Variants in MME observed in about 807,000 individuals in gnomAD.
MME encodes neprilysin.
MME carries 98 observed loss-of-function variants against 113.2 expected under a neutral mutation model. The observed-to-expected ratio is 0.87, with a 90% CI of 0.74 to 1.02. The LOEUF (loss-of-function observed/expected upper bound fraction) is 1.02. Among genes scored for constraint, MME ranks in the 50% least tolerant of loss-of-function variants. The pLI, the probability that MME is intolerant of heterozygous loss-of-function variation, is 0.00. For missense variants in MME, 836 were observed against 896.0 expected (o/e 0.93, Z 0.86); for synonymous variants, 292 against 300.6 (o/e 0.97, Z 0.30).
At chr3:155,053,921 T>C (rs532486227) in intron 1 of MME, among the ~76,000 whole-genome samples, 1 of 152,358 alleles carries the variant, frequency 6.6e-6, no homozygotes, top group Admixed American at 6.5e-5. Context: ...TGCCAATTTT[T>C]GCACTTGCTT....
At chr3:155,169,518 C>T (rs1290535116) in intron 20 of MME, among the ~76,000 whole-genome samples, 1 of 152,070 alleles carries the variant, frequency 6.6e-6, no homozygotes, top group Non-Finnish European at 1.5e-5. Context: ...AAAAAATAGT[C>T]TGGTGGATGC....
intron 16 of MME, among the ~76,000 whole-genome samples, chr3:155,149,457 G>A (rs546511082): frequency 6.6e-6 from 1 of 152,072 alleles, no homozygotes; most frequent in African/African-American, 2.4e-5. Context: ...CTTGATTTGT[G>A]TGGTAACTAA....
chr3:155,043,409 G>A (rs56976000), intron 1 of MME, among the ~76,000 whole-genome samples: 1 of 150,692 alleles, frequency 6.6e-6, no homozygotes, highest in Non-Finnish European at 1.5e-5. Flanking sequence ...TTGGCTCACT[G>A]CAACCTCCAC....
At chr3:155,104,557 T>G (rs955631519) in intron 3 of MME, among the ~76,000 whole-genome samples, 1 of 152,252 alleles carries the variant, frequency 6.6e-6, no homozygotes, top group African/African-American at 2.4e-5. Flanking sequence ...AAAGGCAGGA[T>G]GCTTTGAGTT....
At chr3:155,141,906 A>T in intron 10 of MME, 85 bp from the exon 11 acceptor site, 1 of 1,463,810 alleles carries the variant, frequency 6.8e-7, no homozygotes, top group Non-Finnish European at 9.5e-7. Flanking sequence ...TATCAAACTG[A>T]TCCAACCCTC....
intron 22 of MME, 21 bp from the exon 23 acceptor site, chr3:155,180,339 C>G: frequency 6.3e-7 from 1 of 1,597,248 alleles, no homozygotes; most frequent in South Asian, 1.1e-5. Context: ...CTGACGGTGA[C>G]TTTTTTTGTT....
At chr3:155,038,350 C>G (rs1211805662) in intron 1 of MME, among the ~76,000 whole-genome samples, 2 of 152,150 alleles carry the variant, frequency 1.3e-5, no homozygotes, top group East Asian at 3.9e-4. Flanking sequence ...CAGCTTTAAG[C>G]TACTCTCTGA....
In MME at chr3:155,161,206, A is replaced by AT. The variant is rs202184330; in HGVS notation, c.1660+766dup. 2.4e-3 allele frequency among the ~76,000 whole-genome samples: 357 copies of AT among 151,774 alleles called. 1 individual carries two copies. Among genetic ancestry groups the AT allele is most frequent in the African/African-American group, 8.4e-3 (346 of 41,406 alleles). On this transcript the variant is annotated intron_variant, in intron 17 of 22. Coordinates refer to ENST00000360490, the MANE Select transcript of MME (RefSeq NM_007289.4). ...TATCACTTATCACATACATTGGCTC[A>AT]TTTTTTTTCAGGGGGTTTTTAGCAT...
chr3:155,096,343 G>C (rs977710475), intron 3 of MME, among the ~76,000 whole-genome samples: 3 of 152,120 alleles, frequency 2.0e-5, no homozygotes. Flanking sequence ...ATAACATTTT[G>C]GTGCCCCTGG....
chr3:155,167,575 G>A (rs562376144), intron 18 of MME, among the ~76,000 whole-genome samples: 8 of 152,062 alleles, frequency 5.3e-5, no homozygotes, highest in Non-Finnish European at 7.4e-5. Flanking sequence ...GAATAAAGAC[G>A]TGAAATATGT....
In MME at chr3:155,142,997, T is replaced by G. The variant is rs868418561; in HGVS notation, c.1189-446T>G. On this transcript the variant is annotated intron_variant, in intron 12 of 22. Transcript: ENST00000360490. ...AAAATGTATTGTGCTAAATCTCCCT[T>G]ACTTAGGTTATCCTGTTATTCTTAA... 3.9e-5 allele frequency among the ~76,000 whole-genome samples: 6 copies of G among 152,272 alleles called. No homozygotes were observed. In the Middle Eastern group the frequency reaches 0.01, roughly 259 times the overall value.
chr3:155,039,790 A>G (rs575696011), intron 1 of MME, among the ~76,000 whole-genome samples: 189 of 152,252 alleles, frequency 1.2e-3, no homozygotes, highest in Non-Finnish European at 2.5e-3. Context: ...AAATATATGT[A>G]TATTTTTTCT....
intron 7 of MME, 63 bp from the exon 8 acceptor site, chr3:155,118,683 T>C (rs1250796415): frequency 9.3e-7 from 1 of 1,077,252 alleles, no homozygotes; most frequent in African/African-American, 1.6e-5. Flanking sequence ...GACATGCTTG[T>C]ATTTTTCAAA....
intron 22 of MME, among the ~76,000 whole-genome samples, chr3:155,176,922 A>G (rs903621308): frequency 6.6e-6 from 1 of 152,166 alleles, no homozygotes; most frequent in African/African-American, 2.4e-5. Flanking sequence ...TGATCTATTC[A>G]GGATCAAATT....
intron 1 of MME, among the ~76,000 whole-genome samples, chr3:155,045,421 T>A (rs533052255): frequency 1.3e-5 from 2 of 152,264 alleles, no homozygotes; most frequent in South Asian, 4.1e-4. Context: ...GTTCTGGGAT[T>A]ACAGGTGTGA....
At chr3:155,047,980 A>G (rs1310410488) in intron 1 of MME, among the ~76,000 whole-genome samples, 1 of 152,104 alleles carries the variant, frequency 6.6e-6, no homozygotes, top group East Asian at 1.9e-4. Context: ...TCTAGTTATC[A>G]TTTCAGTTAT....
chr3:155,176,562 C>CACTT (rs1338044239), intron 22 of MME, among the ~76,000 whole-genome samples: 7 of 152,106 alleles, frequency 4.6e-5, no homozygotes, highest in African/African-American at 1.7e-4. Context: ...CAGTCACTCA[C>CACTT]ACTTGTTAAT....
At position 155,147,233 on chromosome 3, in the gene MME, C is replaced by G. The variant is rs1721587952; in HGVS notation, c.1497+9C>G. On this transcript the variant is annotated intron_variant, in intron 15 of 22. Transcript: ENST00000360490. ...ATAATGAGTACCTCGAGGTAAGTCT[C>G]TATAAAATAGACTCTGGACTACTGA... The G allele has an allele frequency of 6.5e-7, 1 of 1,528,976 alleles. No individual in the cohort carries two copies. Among genetic ancestry groups the G allele is most frequent in the Non-Finnish European group, 9.1e-7 (1 of 1,102,850 alleles). 94.7% of individuals were successfully genotyped at this position (1,528,976 alleles called of 1,614,324 possible).
At chr3:155,074,922 A>T (rs1226327289), upstream of MME, among the ~76,000 whole-genome samples, 1 of 152,124 alleles carries the variant, frequency 6.6e-6, no homozygotes, top group Non-Finnish European at 1.5e-5. Context: ...TGCTTAAAAA[A>T]ATATACAGTC....
Sources: allele counts gnomAD v4.1 joint callset (sites outside exome capture counted in the v4.1 genomes callset), GRCh38; gene constraint gnomAD v4.1.1; transcripts MANE v1.5; gene names NCBI Gene and HGNC (gene_info 2026-07-23, HGNC 2026-07-21).